Variants in ULK4 observed in about 807,000 individuals in gnomAD.
The protein encoded by ULK4 is inactive serine/threonine-protein kinase ULK4.
ULK4 carries 133 observed loss-of-function variants against 160.6 expected under a neutral mutation model. That is an observed-to-expected ratio of 0.83 (90% CI 0.72 to 0.96). ULK4 has a LOEUF of 0.96. Ranked by LOEUF, ULK4 falls within the 40% of genes least tolerant of loss-of-function variation. The probability of loss-of-function intolerance (pLI) is 0.00; values close to 1 mark genes in which losing one functional copy is unlikely to be tolerated. For synonymous variants in ULK4, 534 were observed against 539.8 expected (o/e 0.99, Z 0.15); for missense variants, 1,580 against 1,499.5 (o/e 1.05, Z -0.89).
intron 35 of ULK4, among the ~76,000 whole-genome samples, chr3:41,358,717 G>A (rs986938555): frequency 1.3e-5 from 2 of 152,158 alleles, no homozygotes; most frequent in Non-Finnish European, 2.9e-5. Context: ...TGTAGGTAGT[G>A]GAGACTGACT....
intron 17 of ULK4, among the ~76,000 whole-genome samples, chr3:41,842,263 G>A (rs960191641): frequency 3.3e-5 from 5 of 149,280 alleles, no homozygotes; most frequent in Admixed American, 3.3e-4. Context: ...CTATGATCAA[G>A]CCACTGTACT....
Position 41,824,413 on chromosome 3 carries a change from T to A in ULK4, c.1765-4907A>T, listed in dbSNP as rs898454827. On this transcript the variant is annotated intron_variant, in intron 18 of 36. Transcript: ENST00000301831. ...CAAGGGGTCAGTGAATTCCCTTCCC[T>A]AGTCAAAGAAAGGGGTGACAGACGG... 2.0e-5 allele frequency among the ~76,000 whole-genome samples: 3 copies of A among 152,072 alleles called. No homozygotes were observed. The South Asian group carries it at 6.2e-4, about 32-fold the overall frequency.
At chr3:41,898,390 T>A in intron 14 of ULK4, 42 bp downstream of exon 14, 3 of 1,206,822 alleles carry the variant, frequency 2.5e-6, no homozygotes, top group Non-Finnish European at 3.5e-6. Flanking sequence ...TGTATCTGTA[T>A]ACAAAGAGTC....
chr3:41,690,545 T>C lies in ULK4; in HGVS notation c.2782-8741A>G, dbSNP rs529579440. 5.9e-5 allele frequency among the ~76,000 whole-genome samples: 9 copies of C among 151,956 alleles called. No individual in the cohort carries two copies. The South Asian group carries it at 8.3e-4, about 14-fold the overall frequency. Reference sequence around the variant, plus strand: ...GCTCCTATTCTGCTGCCTAACTTTTTGGCTTCTAGGCAGCCCTCCTCTTTG... The same window carrying C: ...GCTCCTATTCTGCTGCCTAACTTTTCGGCTTCTAGGCAGCCCTCCTCTTTG... On this transcript the variant is annotated intron_variant, in intron 27 of 36. Coordinates refer to ENST00000301831, the MANE Select transcript of ULK4 (RefSeq NM_017886.4).
intron 31 of ULK4, 144 bp downstream of exon 31, chr3:41,615,525 G>T: frequency 2.9e-6 from 2 of 684,154 alleles, no homozygotes; most frequent in Non-Finnish European, 2.4e-6. Context: ...GAAAGCTGAA[G>T]TCCAAGGAGG....
intron 32 of ULK4, among the ~76,000 whole-genome samples, chr3:41,527,936 G>A (rs2086175753): frequency 6.6e-6 from 1 of 152,044 alleles, no homozygotes; most frequent in Non-Finnish European, 1.5e-5. Flanking sequence ...TTTGACCCTG[G>A]AGGACCATCA....
intron 30 of ULK4, among the ~76,000 whole-genome samples, chr3:41,625,610 GACA>G (rs1428783159): frequency 6.6e-6 from 1 of 152,152 alleles, no homozygotes; most frequent in Non-Finnish European, 1.5e-5. Flanking sequence ...AGAATTATCA[GACA>G]ACAAGTATTC....
chr3:41,415,250 G>A (rs2082497518), intron 34 of ULK4, among the ~76,000 whole-genome samples: 1 of 152,194 alleles, frequency 6.6e-6, no homozygotes, highest in African/African-American at 2.4e-5. Context: ...AGGATGCTGA[G>A]TTCTGTAGAA....
intron 21 of ULK4, among the ~76,000 whole-genome samples, chr3:41,763,348 A>G (rs919522105): frequency 2.6e-5 from 4 of 152,206 alleles, no homozygotes; most frequent in African/African-American, 9.6e-5. Context: ...AAACATTTTT[A>G]AGGAAAGTGA....
chr3:41,706,125 G>A (rs977612514), intron 25 of ULK4, among the ~76,000 whole-genome samples: 6 of 151,756 alleles, frequency 4.0e-5, no homozygotes, highest in African/African-American at 1.2e-4. Flanking sequence ...CTCCTTTGCC[G>A]GATGACTCCC....
intron 32 of ULK4, among the ~76,000 whole-genome samples, chr3:41,484,484 GCT>G (rs2084439371): frequency 3.0e-5 from 3 of 100,910 alleles, no homozygotes; most frequent in Middle Eastern, 6.0e-3. Flanking sequence ...ATGGAGTCTC[GCT>G]CTGTCACCCA....
intron 35 of ULK4, among the ~76,000 whole-genome samples, chr3:41,383,530 C>T (rs760394866): frequency 3.3e-5 from 5 of 152,164 alleles, no homozygotes; most frequent in African/African-American, 7.2e-5. Context: ...AAGCATTCTG[C>T]GCAGCAAAAG....
chr3:41,404,642 T>A (rs1055511254), intron 34 of ULK4, among the ~76,000 whole-genome samples: 5 of 152,192 alleles, frequency 3.3e-5, no homozygotes, highest in African/African-American at 1.2e-4. Flanking sequence ...TCTACCCTCA[T>A]AAATGGATTA....
chr3:41,595,840 C>T lies in ULK4; in HGVS notation c.3120+19829G>A, dbSNP rs2031653241. ...ACCTACTAAGTAGCTGAGGGAATAA[C>T]AAGACAAAGAAAAGACAGTGCCAAA... On this transcript the variant is annotated intron_variant, in intron 31 of 36. Transcript: ENST00000301831. Among the ~76,000 whole-genome samples, 7 of 152,242 alleles carry T rather than the reference C, an allele frequency of 4.6e-5. No individual in the cohort carries two copies. In the South Asian group the frequency reaches 1.5e-3, roughly 32 times the overall value.
intron 12 of ULK4, among the ~76,000 whole-genome samples, chr3:41,903,554 A>C (rs1698444948): frequency 6.6e-6 from 1 of 151,048 alleles, no homozygotes; most frequent in Non-Finnish European, 1.5e-5. Context: ...GCTGCACTCC[A>C]GTCTGGGCAA....
At chr3:41,408,988 GC>G (rs2082354996) in intron 34 of ULK4, among the ~76,000 whole-genome samples, 1 of 152,164 alleles carries the variant, frequency 6.6e-6, no homozygotes, top group South Asian at 2.1e-4. Flanking sequence ...GCTAAATGCA[GC>G]TGGGTGCTCT....
At chr3:41,959,677 G>A (rs1037686868) in intron 1 of ULK4, among the ~76,000 whole-genome samples, 1 of 152,016 alleles carries the variant, frequency 6.6e-6, no homozygotes, top group Non-Finnish European at 1.5e-5. Flanking sequence ...AGTGCCTCAT[G>A]TCTGTAATCC....
At chr3:41,870,302 T>C (rs1202146871) in intron 17 of ULK4, among the ~76,000 whole-genome samples, 1 of 152,236 alleles carries the variant, frequency 6.6e-6, no homozygotes, top group Non-Finnish European at 1.5e-5. Flanking sequence ...TCTATCTCAT[T>C]CTTTCATCTC....
At chr3:41,727,584 A>G (rs2037693481) in intron 22 of ULK4, among the ~76,000 whole-genome samples, 1 of 152,268 alleles carries the variant, frequency 6.6e-6, no homozygotes, top group Non-Finnish European at 1.5e-5. Context: ...AAAGGCAAAC[A>G]CATGCTTGCT....
Sources: gnomAD v4.1 joint callset for allele counts (sites outside exome capture counted in the v4.1 genomes callset) on GRCh38, gnomAD v4.1.1 for gene constraint, MANE v1.5 for transcripts, NCBI Gene and HGNC (gene_info 2026-07-23, HGNC 2026-07-21) for gene names.